Variants in DUSP26 observed in about 807,000 individuals in gnomAD.
DUSP26 encodes the protein dual specificity phosphatase 26, also known as dual specificity protein phosphatase 26.
In DUSP26, 12 loss-of-function variants were observed where a neutral mutation model predicts 20.0. The ratio of observed to expected loss-of-function variants is 0.60; its 90% CI spans 0.38 to 0.97. DUSP26 has a LOEUF of 0.97. DUSP26 is among the 50% of genes least tolerant of loss of function. The pLI, the probability that DUSP26 is intolerant of heterozygous loss-of-function variation, is 0.00. For missense variants in DUSP26, 230 were observed against 294.0 expected (o/e 0.78, Z 1.59); for synonymous variants, 120 against 118.8 (o/e 1.01, Z -0.06).
chr8:33,595,505 C>T (rs1411036931), intron 2 of DUSP26, among the ~76,000 whole-genome samples: 9 of 151,640 alleles, frequency 5.9e-5, no homozygotes, highest in Admixed American at 1.3e-4. Context: ...CTCAGCCTCC[C>T]GAGTAGCTGG....
At position 33,591,695 on chromosome 8, in the gene DUSP26, A is replaced by C; in HGVS notation, c.*318T>G. The C allele has an allele frequency of 5.6e-6, 2 of 354,144 alleles. No individual in the cohort carries two copies. Among genetic ancestry groups the C allele is most frequent in the South Asian group, 6.7e-5 (2 of 30,058 alleles). The allele number at this position is 354,144 out of a possible 1,614,324, so 21.9% of individuals were successfully genotyped here. On this transcript the variant is annotated 3_prime_UTR_variant, in exon 4 of 4. Transcript: ENST00000256261. The stretch of plus-strand genomic sequence containing the variant: ...GAGAGGGAAACACTTGGGCACAAAG[A>C]GGGGAAGGGACTGTGAATCCCAGGG...
In DUSP26 at chr8:33,597,325, T is replaced by G; in HGVS notation, c.191A>C (p.Glu64Ala). 6.2e-7 allele frequency: 1 copy of G among 1,613,426 alleles called. No homozygotes were observed. Among genetic ancestry groups the G allele is most frequent in the Non-Finnish European group, 8.5e-7 (1 of 1,179,892 alleles). Residue 64 changes from glutamate to alanine, a missense_variant, in exon 2 of 4, where the codon GAG (glutamate) becomes GCG (alanine). Transcript: ENST00000256261. ...TGKTACNHAD[E>A]VWPGLYLGDQ... ...TCCGAGATAGAGGCCTGGCCAGACCTCGTCGGCATGGTTACAGGCTGTCTT... is the reference window on the plus strand; with the variant it reads ...TCCGAGATAGAGGCCTGGCCAGACCGCGTCGGCATGGTTACAGGCTGTCTT...
intron 2 of DUSP26, 77 bp downstream of exon 2, chr8:33,597,218 G>A (rs1811167563): frequency 1.4e-6 from 2 of 1,388,638 alleles, no homozygotes; most frequent in Non-Finnish European, 2.0e-6. Context: ...CTGCATACCT[G>A]TCTGCCACCC....
At chr8:33,593,941 T>A (rs1390470562) in intron 2 of DUSP26, among the ~76,000 whole-genome samples, 194 bp from the exon 3 acceptor site, 2 of 152,108 alleles carry the variant, frequency 1.3e-5, no homozygotes, top group African/African-American at 4.8e-5. Flanking sequence ...TGCCTCAGCC[T>A]CCCGGGTAGC....
chr8:33,593,715 C>T lies in DUSP26; in HGVS notation c.254G>A (p.Arg85His), dbSNP rs767280431. ...ATTGAGGACGTGCGTGATGCCCAGGCGGCGAAGCTCCCGGCGGTTGTTAGC... is the reference window on the plus strand; with the variant it reads ...ATTGAGGACGTGCGTGATGCCCAGGTGGCGAAGCTCCCGGCGGTTGTTAGC... ...DMANNRRELRRLGITHVLNAS... is the reference protein window; with the variant it reads ...DMANNRRELRHLGITHVLNAS... Residue 85 changes from arginine (R) to histidine (H), a missense_variant, in exon 3 of 4, where the codon CGC becomes CAC. Transcript: ENST00000256261. 3.7e-5 allele frequency: 59 copies of T among 1,614,082 alleles called. No individual in the cohort carries two copies. In the Middle Eastern group the frequency reaches 8.2e-4, roughly 22 times the overall value.
chr8:33,593,175 G>A (rs1811062231), intron 3 of DUSP26, among the ~76,000 whole-genome samples: 1 of 152,152 alleles, frequency 6.6e-6, no homozygotes, highest in African/African-American at 2.4e-5. Flanking sequence ...GGGAGGCTGA[G>A]GCAGGAGAAT....
chr8:33,597,394 G>A lies in DUSP26; in HGVS notation c.122C>T (p.Pro41Leu). The change falls in exon 2 of 4, where the codon CCT (proline) becomes CTT (leucine). Residue 41 changes from proline (P) to leucine (L), a missense_variant. By Grantham distance (98) the Pro-to-Leu change is moderately conservative. Transcript: ENST00000256261. ...CTCCAACTCGAAGACATTGAGGAAA[G>A]GATGTTGAACGGTTGGCATCTCCTC... is the stretch of plus-strand genomic sequence containing the variant. Reference protein sequence around the residue: ...TLEEMPTVQHPFLNVFELERL... With the variant: ...TLEEMPTVQHLFLNVFELERL... The A allele has an allele frequency of 1.2e-6, 2 of 1,614,178 alleles. No homozygotes were observed. The highest frequency in any genetic ancestry group is 1.7e-6 in the Non-Finnish European group (2 of 1,180,046).
intron 2 of DUSP26, among the ~76,000 whole-genome samples, chr8:33,594,072 G>A (rs1181836170): frequency 2.0e-5 from 3 of 151,606 alleles, no homozygotes; most frequent in Non-Finnish European, 4.4e-5. Context: ...CTCCCGCCTC[G>A]GCCTTCCAAA....
Position 33,592,597 on chromosome 8 carries a change from TA to T in DUSP26, c.437-386del, listed in dbSNP as rs1257169103. ...CATGGACAGGGAAGAGGAAGACAGG[TA>T]AGTACAGGTGCATGAAGACAGGAAT... On this transcript the variant is annotated intron_variant, in intron 3 of 3. Transcript: ENST00000256261. Among the ~76,000 whole-genome samples the T allele has an allele frequency of 1.5e-4, 17 of 110,014 alleles. 1 individual carries two copies. In the Admixed American group the frequency reaches 1.7e-3, roughly 11 times the overall value. The allele number at this position is 110,014 out of a possible 152,430, so 72.2% of individuals were successfully genotyped here.
At chr8:33,592,322 G>C (rs1274672217) in intron 3 of DUSP26, 110 bp from the exon 4 acceptor site, 1 of 1,127,778 alleles carries the variant, frequency 8.9e-7, no homozygotes, top group Non-Finnish European at 1.2e-6. Flanking sequence ...GGTAATTCCA[G>C]CACTTTTGGA....
intron 2 of DUSP26, among the ~76,000 whole-genome samples, chr8:33,594,720 ATTT>A (rs111883315): frequency 7.0e-6 from 1 of 142,512 alleles, no homozygotes; most frequent in Non-Finnish European, 1.5e-5. Context: ...AGCAGATTTC[ATTT>A]TTTTTTTTTT....
intron 1 of DUSP26, among the ~76,000 whole-genome samples, chr8:33,598,387 T>C (rs1811199228): frequency 6.7e-6 from 1 of 149,502 alleles, no homozygotes; most frequent in Non-Finnish European, 1.5e-5. Flanking sequence ...AGGGTTGGAG[T>C]GTTTTGTCTG....
In DUSP26 at chr8:33,593,981, G is replaced by A. The variant is rs141378746; in HGVS notation, c.222-234C>T. 7.6e-3 allele frequency among the ~76,000 whole-genome samples: 1,157 copies of A among 152,026 alleles called. 12 individuals are homozygous for A. The highest frequency in any genetic ancestry group is 0.026 in the African/African-American group (1,083 of 41,470). On this transcript the variant is annotated intron_variant, in intron 2 of 3. Coordinates refer to ENST00000256261, the MANE Select transcript of DUSP26 (RefSeq NM_024025.3). Reference sequence around the variant, plus strand: ...ATTACAGGCACATGCCACTATACCCGGATAATTTTTGTATCTTTAGTAGAG... The same window carrying A: ...ATTACAGGCACATGCCACTATACCCAGATAATTTTTGTATCTTTAGTAGAG...
chr8:33,599,563 C>G (rs917866211), intron 1 of DUSP26, 102 bp downstream of exon 1: 3 of 152,120 alleles, frequency 2.0e-5, no homozygotes, highest in Non-Finnish European at 2.9e-5. Context: ...GCTCGGGTGC[C>G]CGCTTCCCGG....
In DUSP26 at chr8:33,599,408, A is replaced by AG. The variant is rs1229291640; in HGVS notation, c.-77+256dup. Among the ~76,000 whole-genome samples, 4 of 152,212 alleles carry AG rather than the reference A, an allele frequency of 2.6e-5. No individual in the cohort carries two copies. The South Asian group carries it at 8.3e-4, about 32-fold the overall frequency. On this transcript the variant is annotated intron_variant, in intron 1 of 3. Coordinates refer to ENST00000256261, the MANE Select transcript of DUSP26 (RefSeq NM_024025.3). ...TTCTCCAATCCCATCCGTCGGCTCC[A>AG]GGGGCCCTGGCCCGCCGCTCCCTCC...
chr8:33,592,397 C>G (rs1008936865), intron 3 of DUSP26, among the ~76,000 whole-genome samples, 185 bp from the exon 4 acceptor site: 1 of 151,536 alleles, frequency 6.6e-6, no homozygotes, highest in Non-Finnish European at 1.5e-5. Flanking sequence ...ATGGTGAAAC[C>G]CCATCTCTAC....
chr8:33,592,744 G>T (rs992046590), intron 3 of DUSP26, among the ~76,000 whole-genome samples: 2 of 152,002 alleles, frequency 1.3e-5, no homozygotes, highest in African/African-American at 4.8e-5. Context: ...GGGGTCAAAG[G>T]TGGAGACTCA....
At position 33,593,513 on chromosome 8, in the gene DUSP26, T is replaced by C; in HGVS notation, c.436+20A>G. ...TTCCAGGCACCCTGTTCTTTCCTGC[T>C]CCCAGCATTCCCCTCCTACCTCCTG... On this transcript the variant is annotated intron_variant, in intron 3 of 3. Coordinates refer to ENST00000256261, the MANE Select transcript of DUSP26 (RefSeq NM_024025.3). 1.2e-6 allele frequency: 2 copies of C among 1,606,774 alleles called. No individual in the cohort carries two copies. The highest frequency in any genetic ancestry group is 1.7e-6 in the Non-Finnish European group (2 of 1,173,896).
At chr8:33,599,293 A>G (rs1437380963) in intron 1 of DUSP26, among the ~76,000 whole-genome samples, 1 of 152,110 alleles carries the variant, frequency 6.6e-6, no homozygotes, top group Non-Finnish European at 1.5e-5. Context: ...GGAAGCGTGA[A>G]GGAGCCCAGG....
Sources: gnomAD v4.1 joint callset for allele counts (sites outside exome capture counted in the v4.1 genomes callset) on GRCh38, gnomAD v4.1.1 for gene constraint, MANE v1.5 for transcripts, NCBI Gene and HGNC (gene_info 2026-07-23, HGNC 2026-07-21) for gene names.